The following SNTG1 variants were observed in gnomAD, a reference collection of about 807,000 sequenced individuals.
The protein encoded by SNTG1 is gamma-1-syntrophin.
A neutral mutation model predicts 74.7 loss-of-function variants in SNTG1; 39 were observed. The observed-to-expected ratio is 0.52, with a 90% CI of 0.40 to 0.68. SNTG1 has a LOEUF of 0.68. Among genes scored for constraint, SNTG1 ranks in the 30% least tolerant of loss-of-function variants. The pLI, the probability that SNTG1 is intolerant of heterozygous loss-of-function variation, is 0.00. For synonymous variants in SNTG1, 254 were observed against 217.1 expected (o/e 1.17, Z -1.49); for missense variants, 685 against 609.5 (o/e 1.12, Z -1.30).
chr8:49,964,381 G>A (rs1810960829), intron 1 of SNTG1, among the ~76,000 whole-genome samples: 1 of 152,200 alleles, frequency 6.6e-6, no homozygotes, highest in African/African-American at 2.4e-5. Context: ...ATTCTCCACA[G>A]TTGCATGATC....
chr8:50,453,724 CA>C (rs981522646), intron 8 of SNTG1, among the ~76,000 whole-genome samples: 22 of 152,142 alleles, frequency 1.4e-4, no homozygotes, highest in African/African-American at 5.3e-4. Flanking sequence ...TTGATGGCAC[CA>C]AATGCCACCG....
chr8:50,623,875 T>C (rs1030212837), intron 13 of SNTG1, among the ~76,000 whole-genome samples: 1 of 151,262 alleles, frequency 6.6e-6, no homozygotes, highest in African/African-American at 2.4e-5. Context: ...TTGTTTTTAT[T>C]ATCTCTTTTT....
At chr8:50,596,913 G>A (rs565634549) in intron 13 of SNTG1, among the ~76,000 whole-genome samples, 1 of 151,646 alleles carries the variant, frequency 6.6e-6, no homozygotes. Context: ...CATTTATTTT[G>A]GTAGTAACAT....
chr8:50,681,233 A>G (rs1346897662), intron 15 of SNTG1, among the ~76,000 whole-genome samples: 2 of 151,582 alleles, frequency 1.3e-5, no homozygotes, highest in African/African-American at 2.4e-5. Flanking sequence ...TTACATGCTT[A>G]TGTTTTTTTG....
At chr8:50,079,289 T>G (rs1242652242) in intron 1 of SNTG1, among the ~76,000 whole-genome samples, 1 of 152,232 alleles carries the variant, frequency 6.6e-6, no homozygotes, top group Non-Finnish European at 1.5e-5. Context: ...CGGTCTTGAT[T>G]TGCATTTCTC....
At chr8:50,036,551 C>A (rs1173043912) in intron 1 of SNTG1, among the ~76,000 whole-genome samples, 2 of 152,126 alleles carry the variant, frequency 1.3e-5, no homozygotes, top group Non-Finnish European at 2.9e-5. Flanking sequence ...TTTTCTTGTT[C>A]ATCTCCTCAC....
intron 18 of SNTG1, among the ~76,000 whole-genome samples, chr8:50,763,711 G>A (rs1205729924): frequency 1.4e-5 from 2 of 142,592 alleles, no homozygotes; most frequent in African/African-American, 2.6e-5. Flanking sequence ...AGAAAAGCAT[G>A]AAAGATAATT....
chr8:50,189,850 T>C (rs1235836449), intron 2 of SNTG1, among the ~76,000 whole-genome samples: 1 of 152,246 alleles, frequency 6.6e-6, no homozygotes, highest in Non-Finnish European at 1.5e-5. Flanking sequence ...TAACTTGATT[T>C]CAGTAGCACA....
At chr8:50,344,935 G>A (rs2091428872) in intron 2 of SNTG1, among the ~76,000 whole-genome samples, 1 of 152,174 alleles carries the variant, frequency 6.6e-6, no homozygotes, top group South Asian at 2.1e-4. Context: ...TGTCTGACCT[G>A]AGGAAATTTG....
chr8:50,324,430 CTG>C (rs1391753101), intron 2 of SNTG1, among the ~76,000 whole-genome samples: 1 of 152,184 alleles, frequency 6.6e-6, no homozygotes, highest in Non-Finnish European at 1.5e-5. Context: ...AAACCAGGTA[CTG>C]TGATTGTTCA....
intron 1 of SNTG1, among the ~76,000 whole-genome samples, chr8:50,170,944 T>C (rs2082784693): frequency 6.6e-6 from 1 of 152,178 alleles, no homozygotes; most frequent in South Asian, 2.1e-4. Flanking sequence ...AGCTTGATCC[T>C]CTGACCCTTT....
chr8:50,505,180 G>T (rs1366832516), intron 9 of SNTG1, among the ~76,000 whole-genome samples: 1 of 152,050 alleles, frequency 6.6e-6, no homozygotes, highest in African/African-American at 2.4e-5. Context: ...TCCTATTTAA[G>T]AATGAATAAC....
At chr8:50,038,889 T>C (rs1818383651) in intron 1 of SNTG1, among the ~76,000 whole-genome samples, 1 of 152,142 alleles carries the variant, frequency 6.6e-6, no homozygotes, top group Admixed American at 6.5e-5. Context: ...TCACTTTGGT[T>C]AATCAGGTGT....
chr8:50,247,682 T>TG (rs1366943437), intron 2 of SNTG1, among the ~76,000 whole-genome samples: 2 of 4,486 alleles, frequency 4.5e-4, no homozygotes, highest in East Asian at 0.2. Context: ...AAGTTTTTAG[T>TG]TTTTTTTTTT....
At chr8:50,676,753 T>C (rs1263294418) in intron 15 of SNTG1, among the ~76,000 whole-genome samples, 12 of 151,944 alleles carry the variant, frequency 7.9e-5, no homozygotes. Context: ...TTTCATATTA[T>C]TCTGTAATTT....
intron 15 of SNTG1, among the ~76,000 whole-genome samples, chr8:50,660,429 G>A (rs7007268): frequency 3.4e-4 from 11 of 32,654 alleles, no homozygotes; most frequent in Non-Finnish European, 3.8e-4. Flanking sequence ...AAAGAAAGAA[G>A]AAAGAAAGAA....
At chr8:49,977,127 A>G (rs1249762816) in intron 1 of SNTG1, among the ~76,000 whole-genome samples, 1 of 152,174 alleles carries the variant, frequency 6.6e-6, no homozygotes, top group Non-Finnish European at 1.5e-5. Flanking sequence ...TGGGAAGTGG[A>G]GAGCTTAGAG....
intron 13 of SNTG1, among the ~76,000 whole-genome samples, chr8:50,605,127 G>A (rs2094803824): frequency 6.6e-6 from 1 of 152,178 alleles, no homozygotes; most frequent in African/African-American, 2.4e-5. Context: ...TTAAGACAAA[G>A]TCCTGTTTAC....
intron 1 of SNTG1, among the ~76,000 whole-genome samples, chr8:50,027,874 A>G (rs1406398848): frequency 6.6e-6 from 1 of 152,166 alleles, no homozygotes; most frequent in East Asian, 1.9e-4. Context: ...TTAAATGATT[A>G]ATCATTTTTA....
Sources: allele counts gnomAD v4.1 joint callset (sites outside exome capture counted in the v4.1 genomes callset), GRCh38; gene constraint gnomAD v4.1.1; transcripts MANE v1.5; gene names NCBI Gene and HGNC (gene_info 2026-07-23, HGNC 2026-07-21).